The following CTNNA2 variants were observed in gnomAD, a reference collection of about 807,000 sequenced individuals.
CTNNA2 encodes catenin alpha 2.
Under a neutral mutation model 101.0 loss-of-function variants are expected in CTNNA2, and 42 were observed. The ratio of observed to expected loss-of-function variants is 0.42; its 90% CI spans 0.32 to 0.54. CTNNA2 has a LOEUF of 0.54. Among genes scored for constraint, CTNNA2 ranks in the 20% least tolerant of loss-of-function variants. CTNNA2 has a pLI of 0.14. For missense variants in CTNNA2, 871 were observed against 1,223.1 expected (o/e 0.71, Z 4.29); for synonymous variants, 450 against 456.4 (o/e 0.99, Z 0.18).
intron 7 of CTNNA2, among the ~76,000 whole-genome samples, chr2:80,143,644 G>C (rs946882124): frequency 6.6e-6 from 1 of 151,946 alleles, no homozygotes; most frequent in Non-Finnish European, 1.5e-5. Flanking sequence ...ACGATATTAC[G>C]TAAAATACAT....
intron 2 of CTNNA2, among the ~76,000 whole-genome samples, chr2:79,273,592 C>T (rs1675138279): frequency 1.3e-5 from 2 of 152,088 alleles, no homozygotes; most frequent in African/African-American, 4.8e-5. Flanking sequence ...ACATCATTAT[C>T]AAACAGTCAT....
At chr2:80,151,473 C>T (rs1322157142) in intron 7 of CTNNA2, among the ~76,000 whole-genome samples, 1 of 152,110 alleles carries the variant, frequency 6.6e-6, no homozygotes, top group Non-Finnish European at 1.5e-5. Context: ...ACAGTAAGAG[C>T]CACAAAATAG....
intron 7 of CTNNA2, among the ~76,000 whole-genome samples, chr2:80,044,235 A>G (rs1262808876): frequency 6.6e-6 from 1 of 152,244 alleles, no homozygotes; most frequent in Non-Finnish European, 1.5e-5. Context: ...GTATAGAAAG[A>G]TAACATAGCC....
chr2:80,093,766 C>A (rs2148824820), intron 7 of CTNNA2, among the ~76,000 whole-genome samples: 1 of 152,312 alleles, frequency 6.6e-6, no homozygotes, highest in South Asian at 2.1e-4. Flanking sequence ...TGATGATGAG[C>A]ATTTTTTCAT....
intron 3 of CTNNA2, among the ~76,000 whole-genome samples, chr2:79,337,048 G>A (rs1677010678): frequency 6.6e-6 from 1 of 152,066 alleles, no homozygotes; most frequent in Non-Finnish European, 1.5e-5. Flanking sequence ...TGCCTTTTCT[G>A]TTTCAGTTAA....
At chr2:80,156,383 A>G (rs1703998888) in intron 7 of CTNNA2, among the ~76,000 whole-genome samples, 1 of 152,224 alleles carries the variant, frequency 6.6e-6, no homozygotes, top group South Asian at 2.1e-4. Flanking sequence ...CTTTGCAAGT[A>G]GCTCTCTTAA....
At chr2:80,067,148 T>G (rs1167745121) in intron 7 of CTNNA2, among the ~76,000 whole-genome samples, 1 of 151,376 alleles carries the variant, frequency 6.6e-6, no homozygotes, top group Non-Finnish European at 1.5e-5. Context: ...GAGGAATAAG[T>G]TCAAGAGATC....
intron 7 of CTNNA2, among the ~76,000 whole-genome samples, chr2:79,943,208 C>T (rs780007445): frequency 4.5e-4 from 69 of 151,774 alleles, no homozygotes; most frequent in Non-Finnish European, 8.4e-4. Flanking sequence ...CAAAAGCGAG[C>T]GGGGGTGGGG....
At chr2:79,918,158 C>A (rs567291469) in intron 7 of CTNNA2, among the ~76,000 whole-genome samples, 1 of 152,276 alleles carries the variant, frequency 6.6e-6, no homozygotes, top group Non-Finnish European at 1.5e-5. Flanking sequence ...TCTAACCCAA[C>A]ATTTTATCTC....
At chr2:80,456,711 C>A (rs1365569720) in intron 9 of CTNNA2, among the ~76,000 whole-genome samples, 1 of 152,106 alleles carries the variant, frequency 6.6e-6, no homozygotes, top group African/African-American at 2.4e-5. Context: ...CTTCGAGTTT[C>A]AGTTTCCTTA....
chr2:80,201,956 ATT>A (rs1707239138), intron 7 of CTNNA2, among the ~76,000 whole-genome samples: 6 of 152,090 alleles, frequency 3.9e-5, no homozygotes, highest in Admixed American at 3.9e-4. Flanking sequence ...ATTTATCCCT[ATT>A]ATCTACTCCC....
chr2:79,807,063 C>T (rs920610822), intron 3 of CTNNA2, among the ~76,000 whole-genome samples: 1 of 152,102 alleles, frequency 6.6e-6, no homozygotes, highest in Non-Finnish European at 1.5e-5. Flanking sequence ...TGGTCTCCTT[C>T]ACTCTTACAC....
At chr2:80,244,928 A>G (rs1030224686) in intron 7 of CTNNA2, among the ~76,000 whole-genome samples, 1 of 152,210 alleles carries the variant, frequency 6.6e-6, no homozygotes, top group Non-Finnish European at 1.5e-5. Flanking sequence ...AGCGAGAGCC[A>G]GGTGGGAGAC....
At chr2:80,632,932 A>G (rs919222122) in intron 18 of CTNNA2, among the ~76,000 whole-genome samples, 1 of 152,208 alleles carries the variant, frequency 6.6e-6, no homozygotes, top group African/African-American at 2.4e-5. Flanking sequence ...TAGAAACTCA[A>G]AGAGATTACA....
chr2:79,559,793 G>T (rs1674661885), intron 1 of CTNNA2, among the ~76,000 whole-genome samples: 1 of 151,762 alleles, frequency 6.6e-6, no homozygotes, highest in African/African-American at 2.4e-5. Context: ...TATAAAGGAG[G>T]TTATAATAAT....
intron 7 of CTNNA2, among the ~76,000 whole-genome samples, chr2:80,290,734 T>A (rs1220390677): frequency 6.6e-6 from 1 of 152,180 alleles, no homozygotes; most frequent in East Asian, 1.9e-4. Context: ...TAAGAAACAA[T>A]GTTTGCTCCC....
intron 18 of CTNNA2, among the ~76,000 whole-genome samples, chr2:80,638,838 G>A (rs755832574): frequency 8.5e-5 from 13 of 152,196 alleles, no homozygotes; most frequent in Non-Finnish European, 1.6e-4. Context: ...AATATGTCCA[G>A]TTGAGAAAGT....
chr2:79,564,544 A>T (rs1301217492), intron 1 of CTNNA2, among the ~76,000 whole-genome samples: 2 of 152,120 alleles, frequency 1.3e-5, no homozygotes, highest in African/African-American at 4.8e-5. Flanking sequence ...TTCTTAGCTT[A>T]TTTTAGAAAT....
intron 3 of CTNNA2, among the ~76,000 whole-genome samples, chr2:79,745,515 G>GTTAACAGTA (rs1671586976): frequency 6.6e-6 from 1 of 151,862 alleles, no homozygotes; most frequent in African/African-American, 2.4e-5. Context: ...TATTCATATC[G>GTTAACAGTA]TTGAGCAAGC....
Sources: allele counts gnomAD v4.1 joint callset (sites outside exome capture counted in the v4.1 genomes callset), GRCh38; gene constraint gnomAD v4.1.1; transcripts MANE v1.5; gene names NCBI Gene and HGNC (gene_info 2026-07-23, HGNC 2026-07-21).